The following WDPCP variants were observed in gnomAD, a reference collection of about 807,000 sequenced individuals.
WDPCP encodes WD repeat containing planar cell polarity effector.
In WDPCP, 71 loss-of-function variants were observed where a neutral mutation model predicts 93.1. That is an observed-to-expected ratio of 0.76 (90% CI 0.63 to 0.93). The LOEUF (loss-of-function observed/expected upper bound fraction) is 0.93. Among genes scored for constraint, WDPCP ranks in the 40% least tolerant of loss-of-function variants. The pLI is 0.00. For synonymous variants in WDPCP, 315 were observed against 315.0 expected (o/e 1.00, Z 0.00); for missense variants, 844 against 887.4 (o/e 0.95, Z 0.62).
intron 6 of WDPCP, among the ~76,000 whole-genome samples, chr2:63,476,786 C>A (rs1051508265): frequency 6.6e-6 from 1 of 152,038 alleles, no homozygotes; most frequent in African/African-American, 2.4e-5. Flanking sequence ...AATTGAGTTT[C>A]GCACAACTTG....
At position 63,293,499 on chromosome 2, in the gene WDPCP, T is replaced by C. The variant is rs576955795; in HGVS notation, c.1812+19749A>G. Among the ~76,000 whole-genome samples the C allele has an allele frequency of 7.3e-5, 11 of 151,326 alleles. No individual in the cohort carries two copies. The South Asian group carries it at 2.1e-3, about 29-fold the overall frequency. ...AAAAATCATGAGGCATATAATGAAA[T>C]AGGAAAGTATGGCCTATTTTAAGAG... On this transcript the variant is annotated intron_variant, in intron 13 of 17. Transcript: ENST00000272321.
rs1677435500 is a variant in WDPCP, at chr2:63,217,226, T to C, written c.1915+42081A>G. Among the ~76,000 whole-genome samples the C allele has an allele frequency of 3.9e-5, 6 of 152,340 alleles. No individual in the cohort carries two copies. In the South Asian group the frequency reaches 1.2e-3, roughly 32 times the overall value. The stretch of plus-strand genomic sequence containing the variant: ...TGAGATCTGTCAATGTTATATAGAA[T>C]TTATATTTATGTCCATAAATTCAGT... On this transcript the variant is annotated intron_variant, in intron 14 of 17. Transcript: ENST00000272321.
intron 14 of WDPCP, chr2:63,232,934 TG>T: frequency 5.3e-6 from 1 of 189,340 alleles, no homozygotes; most frequent in South Asian, 1.1e-4. Flanking sequence ...GAAGTGGTGG[TG>T]GTGGAGAAGG....
chr2:63,384,707 C>A (rs932863080), intron 10 of WDPCP, among the ~76,000 whole-genome samples: 1 of 149,660 alleles, frequency 6.7e-6, no homozygotes, highest in Non-Finnish European at 1.5e-5. Flanking sequence ...GGCAAGACAG[C>A]AAGACTGTGT....
At position 63,644,243 on chromosome 2, in the gene WDPCP, C is replaced by CTTT. The variant is rs1167296293; in HGVS notation, n.488+6413_488+6415dup. On this transcript the variant is annotated intron_variant and non_coding_transcript_variant, in intron 3 of 4. Transcript: ENST00000467687. ...TGTGCAAGTATTTCTTTCTCCTCTACTTTTTTTTTTTTTTTTTTTGAGACA... is the reference window on the plus strand; with the variant it reads ...TGTGCAAGTATTTCTTTCTCCTCTACTTTTTTTTTTTTTTTTTTTTTTGAGACA... Among the ~76,000 whole-genome samples the CTTT allele has an allele frequency of 4.3e-4, 51 of 118,476 alleles. 1 individual carries two copies. Among genetic ancestry groups the CTTT allele is most frequent in the South Asian group, 1.1e-3 (4 of 3,686 alleles). 77.7% of individuals were successfully genotyped at this position (118,476 alleles called of 152,430 possible). A position where few individuals can be genotyped will look rare whatever the true frequency, so the allele number is the denominator to read the frequency against.
chr2:63,758,423 G>A (rs1471460496), intron 2 of WDPCP, among the ~76,000 whole-genome samples: 3 of 151,914 alleles, frequency 2.0e-5, no homozygotes, highest in African/African-American at 7.2e-5. Context: ...GAGAGGTTCT[G>A]GAATCTTTTT....
chr2:63,604,696 A>G, intron 3 of WDPCP: 1 of 1,612,038 alleles, frequency 6.2e-7, no homozygotes, highest in East Asian at 2.2e-5. Flanking sequence ...ATTTAACTAG[A>G]TTGCTCTTAA....
intron 14 of WDPCP, among the ~76,000 whole-genome samples, chr2:63,207,314 G>T (rs943657007): frequency 6.6e-6 from 1 of 152,056 alleles, no homozygotes; most frequent in Non-Finnish European, 1.5e-5. Context: ...GGTTGTTTCT[G>T]TAGCACCTCC....
intron 3 of WDPCP, among the ~76,000 whole-genome samples, chr2:63,605,553 T>G (rs1464855424): frequency 6.6e-6 from 1 of 152,264 alleles, no homozygotes; most frequent in Non-Finnish European, 1.5e-5. Context: ...AGCCTTGACC[T>G]TTCTGAGCTG....
chr2:63,538,261 T>A (rs1359510046), intron 1 of WDPCP, among the ~76,000 whole-genome samples: 2 of 151,900 alleles, frequency 1.3e-5, no homozygotes, highest in African/African-American at 4.8e-5. Flanking sequence ...AAAAATAACA[T>A]GAAAAATTAC....
At chr2:63,144,574 G>T (rs926216304) in intron 17 of WDPCP, among the ~76,000 whole-genome samples, 1 of 152,160 alleles carries the variant, frequency 6.6e-6, no homozygotes, top group Non-Finnish European at 1.5e-5. Flanking sequence ...ATTTCTAAAA[G>T]TGTGTCCAAA....
At chr2:63,757,595 TC>T (rs1430067563) in intron 2 of WDPCP, among the ~76,000 whole-genome samples, 1 of 152,124 alleles carries the variant, frequency 6.6e-6, no homozygotes, top group Admixed American at 6.5e-5. Flanking sequence ...ATAGAGCAAA[TC>T]AAACATTTGG....
At chr2:63,395,242 G>A (rs1035821594) in intron 10 of WDPCP, among the ~76,000 whole-genome samples, 1 of 152,078 alleles carries the variant, frequency 6.6e-6, no homozygotes, top group Admixed American at 6.5e-5. Flanking sequence ...TCTAAAAAAT[G>A]TTTTTTATAG....
intron 14 of WDPCP, among the ~76,000 whole-genome samples, chr2:63,245,569 G>T (rs550587184): frequency 2.6e-5 from 4 of 152,162 alleles, no homozygotes; most frequent in African/African-American, 9.6e-5. Flanking sequence ...GAAAAACAAT[G>T]CATGCCATAA....
intron 9 of WDPCP, among the ~76,000 whole-genome samples, chr2:63,406,973 A>G (rs1270220885): frequency 1.3e-5 from 2 of 152,174 alleles, no homozygotes; most frequent in East Asian, 1.9e-4. Context: ...TTAAACATTC[A>G]GTATGCCAAA....
chr2:63,489,090 C>T (rs1700726448), intron 2 of WDPCP, among the ~76,000 whole-genome samples: 1 of 152,020 alleles, frequency 6.6e-6, no homozygotes, highest in African/African-American at 2.4e-5. Context: ...AGGACATTTA[C>T]ATATGGGGGC....
At chr2:63,611,349 T>A (rs1709612499) in intron 3 of WDPCP, among the ~76,000 whole-genome samples, 1 of 152,204 alleles carries the variant, frequency 6.6e-6, no homozygotes, top group Non-Finnish European at 1.5e-5. Context: ...TTTAATACTG[T>A]TGAATCTAGT....
intron 9 of WDPCP, among the ~76,000 whole-genome samples, chr2:63,418,291 A>T (rs544191351): frequency 1.1e-4 from 17 of 152,342 alleles, no homozygotes; most frequent in Middle Eastern, 6.8e-3. Context: ...CAAGTCCAAG[A>T]TATGATGCTA....
At position 63,482,805 on chromosome 2, in the gene WDPCP, C is replaced by A. The variant is rs551060856; in HGVS notation, c.384+1799G>T. ...AGTATAAGGTCTATTTTAGAAATAT[C>A]TTTATAATCATAGAAATGAAGCACA... On this transcript the variant is annotated intron_variant, in intron 6 of 17. Transcript: ENST00000272321. Among the ~76,000 whole-genome samples, 12 of 151,816 alleles carry A rather than the reference C, an allele frequency of 7.9e-5. No homozygotes were observed. The South Asian group carries it at 2.5e-3, about 32-fold the overall frequency.
Sources: allele counts gnomAD v4.1 joint callset (sites outside exome capture counted in the v4.1 genomes callset), GRCh38; gene constraint gnomAD v4.1.1; transcripts MANE v1.5; gene names NCBI Gene and HGNC (gene_info 2026-07-23, HGNC 2026-07-21).